The following DAB1 variants were observed in gnomAD, a reference collection of about 807,000 sequenced individuals.
DAB1 encodes disabled homolog 1.
DAB1 carries 15 observed loss-of-function variants against 64.6 expected under a neutral mutation model. The ratio of observed to expected loss-of-function variants is 0.23; its 90% CI spans 0.16 to 0.36. DAB1 has a LOEUF of 0.36. DAB1 is among the 10% of genes least tolerant of loss of function. The pLI is 1.00. For missense variants in DAB1, 596 were observed against 706.7 expected, an observed-to-expected ratio of 0.84 and a Z score of 1.78; for synonymous variants, 235 against 251.9, an observed-to-expected ratio of 0.93 and a Z score of 0.64.
chr1:58,539,213 A>G (rs1646564893), intron 1 of DAB1: 2 of 872,622 alleles, frequency 2.3e-6, no homozygotes, highest in Non-Finnish European at 4.0e-6. Context: ...AATGTGTTAC[A>G]TTTTCTCCAG....
At chr1:57,374,307 C>T (rs749822180) in intron 1 of DAB1, among the ~76,000 whole-genome samples, 1 of 152,016 alleles carries the variant, frequency 6.6e-6, no homozygotes, top group Non-Finnish European at 1.5e-5. Flanking sequence ...ATAGATCATC[C>T]AACAGAATAA....
chr1:58,108,838 G>A (rs1230587886), intron 5 of DAB1, among the ~76,000 whole-genome samples: 1 of 152,154 alleles, frequency 6.6e-6, no homozygotes, highest in Admixed American at 6.5e-5. Context: ...GTAAAACACT[G>A]AGCTGAGAAT....
At chr1:57,910,438 G>A (rs778424286) in intron 5 of DAB1, among the ~76,000 whole-genome samples, 10 of 152,184 alleles carry the variant, frequency 6.6e-5, no homozygotes, top group Non-Finnish European at 1.2e-4. Flanking sequence ...GGGAACAGCC[G>A]TTCCACAGCA....
chr1:57,756,810 C>A (rs754926568), intron 6 of DAB1, among the ~76,000 whole-genome samples: 11 of 151,866 alleles, frequency 7.2e-5, no homozygotes, highest in Non-Finnish European at 1.3e-4. Flanking sequence ...AAAACAAGTT[C>A]AATAGGGTCC....
At chr1:58,234,726 G>A (rs949374445) in intron 4 of DAB1, among the ~76,000 whole-genome samples, 1 of 152,190 alleles carries the variant, frequency 6.6e-6, no homozygotes, top group Non-Finnish European at 1.5e-5. Flanking sequence ...ACTGCCAGTG[G>A]TTCCCTAGGA....
At chr1:57,694,774 G>A (rs938626727) in intron 6 of DAB1, among the ~76,000 whole-genome samples, 1 of 152,074 alleles carries the variant, frequency 6.6e-6, no homozygotes, top group Non-Finnish European at 1.5e-5. Flanking sequence ...ATCTTCAACA[G>A]TGAACAACTC....
chr1:57,874,191 A>G (rs1484323197), intron 1 of DAB1: 1 of 152,258 alleles, frequency 6.6e-6, no homozygotes, highest in Admixed American at 6.5e-5. Flanking sequence ...GTACCTGGGG[A>G]ACACCAAAAA....
chr1:57,250,684 T>C (rs1669267792), intron 2 of DAB1, among the ~76,000 whole-genome samples: 1 of 152,334 alleles, frequency 6.6e-6, no homozygotes, highest in African/African-American at 2.4e-5. Flanking sequence ...TTATAGAATA[T>C]TAGGCCCACA....
chr1:57,896,587 G>A (rs1199059965), intron 5 of DAB1, among the ~76,000 whole-genome samples: 1 of 152,108 alleles, frequency 6.6e-6, no homozygotes, highest in Non-Finnish European at 1.5e-5. Flanking sequence ...CCAAACCCCA[G>A]CTTCACCACC....
rs1652913060 is a variant in DAB1, at chr1:58,124,106, G to A, written n.387+26405C>T. 2.0e-5 allele frequency among the ~76,000 whole-genome samples: 3 copies of A among 152,080 alleles called. 1 individual carries two copies. The highest frequency in any genetic ancestry group is 2.0e-4 in the Admixed American group (3 of 15,244). ...AATGTTTGAGTATGTGTGCGTGCAT[G>A]TTTATCTGGTATCATCCTGTAGCAG... is the stretch of plus-strand genomic sequence containing the variant. On this transcript the variant is annotated intron_variant and non_coding_transcript_variant, in intron 5 of 20. Coordinates refer to the DAB1 transcript ENST00000485760.
At chr1:58,529,538 C>T (rs1646400909) in intron 1 of DAB1, among the ~76,000 whole-genome samples, 1 of 152,172 alleles carries the variant, frequency 6.6e-6, no homozygotes, top group Admixed American at 6.5e-5. Context: ...TTCCTTTCAG[C>T]ATTTTCAAAG....
intron 1 of DAB1, among the ~76,000 whole-genome samples, chr1:57,397,966 T>G (rs544383371): frequency 2.0e-5 from 3 of 152,356 alleles, no homozygotes; most frequent in Admixed American, 2.0e-4. Context: ...AGCCTGTTAT[T>G]CTGGTTCTCT....
intron 4 of DAB1, among the ~76,000 whole-genome samples, chr1:58,222,194 A>G (rs1659207340): frequency 6.6e-6 from 1 of 152,038 alleles, no homozygotes; most frequent in South Asian, 2.1e-4. Flanking sequence ...CTATAAATAT[A>G]CACCACCAAT....
chr1:57,013,552 G>A (rs1646329665), intron 12 of DAB1, among the ~76,000 whole-genome samples: 2 of 152,260 alleles, frequency 1.3e-5, no homozygotes, highest in South Asian at 2.1e-4. Flanking sequence ...CACGTTAAGG[G>A]CATTCATTTT....
intron 4 of DAB1, among the ~76,000 whole-genome samples, chr1:57,073,457 C>T (rs960501): frequency 0.43 from 65,222 of 152,092 alleles, 14,223 homozygotes; most frequent in Admixed American, 0.52. Flanking sequence ...ACCATCCTAT[C>T]GGGTAATGGT....
intron 5 of DAB1, among the ~76,000 whole-genome samples, chr1:57,926,729 A>C (rs1644885576): frequency 6.6e-6 from 1 of 152,210 alleles, no homozygotes; most frequent in African/African-American, 2.4e-5. Flanking sequence ...TCTACTTACA[A>C]AACCTTGTCT....
intron 5 of DAB1, among the ~76,000 whole-genome samples, chr1:57,962,576 G>A (rs1213167422): frequency 2.0e-5 from 3 of 152,116 alleles, no homozygotes; most frequent in African/African-American, 4.8e-5. Flanking sequence ...ATACATTTAC[G>A]AATCCCAGGA....
At chr1:57,533,277 A>G (rs1363069646) in intron 7 of DAB1, among the ~76,000 whole-genome samples, 1 of 151,904 alleles carries the variant, frequency 6.6e-6, no homozygotes, top group African/African-American at 2.4e-5. Flanking sequence ...TCCTTATGTC[A>G]AAACCTCCAC....
At chr1:57,422,443 C>T (rs1025219427) in intron 1 of DAB1, among the ~76,000 whole-genome samples, 1 of 152,182 alleles carries the variant, frequency 6.6e-6, no homozygotes, top group African/African-American at 2.4e-5. Flanking sequence ...TACATCGCCC[C>T]TCTTTCTAAT....
Sources: gnomAD v4.1 joint callset for allele counts (sites outside exome capture counted in the v4.1 genomes callset) on GRCh38, gnomAD v4.1.1 for gene constraint, MANE v1.5 for transcripts, NCBI Gene and HGNC (gene_info 2026-07-23, HGNC 2026-07-21) for gene names.